SIDT1: variants seen among roughly 807,000 people sequenced by gnomAD.
The protein encoded by SIDT1 is SID1 transmembrane family, member 1.
In SIDT1, 101 loss-of-function variants were observed where a neutral mutation model predicts 107.5. The observed-to-expected ratio is 0.94, with a 90% CI of 0.80 to 1.11. SIDT1 has a LOEUF of 1.11. Among genes scored for constraint, SIDT1 ranks in the 50% least tolerant of loss-of-function variants. SIDT1 has a pLI of 0.00. For synonymous variants in SIDT1, 395 were observed against 398.2 expected (o/e 0.99, Z 0.10); for missense variants, 1,076 against 1,058.2 (o/e 1.02, Z -0.23).
At chr3:113,618,893 C>T (rs1394031160) in intron 20 of SIDT1, among the ~76,000 whole-genome samples, 3 of 152,128 alleles carry the variant, frequency 2.0e-5, no homozygotes, top group African/African-American at 7.2e-5. Context: ...GGCAAAATCT[C>T]GGCTCACTGC....
Position 113,608,472 on chromosome 3 carries a change from G to A in SIDT1, c.1656G>A (p.Leu552=). ...TCTTCTACGCTATGGGCATTGCATT[G>A]ATGATGGAAGGGGTGCTCAGTGCTT... The part of the protein sequence containing the change: ...FGLFYAMGIA[L]MMEGVLSACY... The change falls in exon 17 of 25, where the codon TTG becomes TTA. Residue 552 remains leucine, a synonymous_variant. Transcript: ENST00000264852. 4.3e-6 allele frequency: 7 copies of A among 1,614,176 alleles called. No homozygotes were observed. The highest frequency in any genetic ancestry group is 5.9e-6 in the Non-Finnish European group (7 of 1,180,014).
At chr3:113,545,879 T>C (rs550081258) in intron 1 of SIDT1, among the ~76,000 whole-genome samples, 1 of 152,336 alleles carries the variant, frequency 6.6e-6, no homozygotes, top group South Asian at 2.1e-4. Flanking sequence ...TCAAGACATT[T>C]TTTATAGTAT....
chr3:113,590,278 A>T (rs1458300978), intron 9 of SIDT1: 1 of 152,240 alleles, frequency 6.6e-6, no homozygotes, highest in Non-Finnish European at 1.5e-5. Flanking sequence ...TCCACCAAAC[A>T]TACAAAATCA....
At position 113,608,517 on chromosome 3, in the gene SIDT1, T is replaced by G; in HGVS notation, c.1701T>G (p.Asn567Lys). ...VLSACYHVCP[N>K]YSNFQFDTSF... ...GTGCTTGCTACCATGTCTGCCCTAATTATTCCAACTTCCAATTCGGTAATT... is the reference window on the plus strand; with the variant it reads ...GTGCTTGCTACCATGTCTGCCCTAAGTATTCCAACTTCCAATTCGGTAATT... Residue 567 changes from asparagine to lysine, a missense_variant, in exon 17 of 25, where the codon AAT becomes AAG. Transcript: ENST00000264852. The G allele has an allele frequency of 6.2e-7, 1 of 1,609,850 alleles. No homozygotes were observed. Among genetic ancestry groups the G allele is most frequent in the Non-Finnish European group, 8.5e-7 (1 of 1,176,090 alleles).
intron 1 of SIDT1, among the ~76,000 whole-genome samples, chr3:113,541,803 A>C (rs1938905876): frequency 6.6e-6 from 1 of 151,974 alleles, no homozygotes; most frequent in Admixed American, 6.6e-5. Context: ...CAAAAGTGAA[A>C]ATAAAATTTT....
rs1946637387 is a variant in SIDT1, at chr3:113,623,644, C to T, written c.2218C>T (p.Leu740Phe). ...ACAGCTCCGCAGCTCTGAAAAGGTC[C>T]TCCCAGTCCCGCTCTTCTGCATCGT... ...IMKLRSSEKV[L>F]PVPLFCIVAT... The change falls in exon 23 of 25, where the codon CTC becomes TTC. Residue 740 changes from leucine (L) to phenylalanine (F), a missense_variant. By Grantham distance (22) the Leu-to-Phe change is conservative. Coordinates refer to ENST00000264852, the MANE Select transcript of SIDT1 (RefSeq NM_017699.3). 1 of 1,613,976 alleles carries T rather than the reference C, an allele frequency of 6.2e-7. No homozygotes were observed. The highest frequency in any genetic ancestry group is 1.3e-5 in the African/African-American group (1 of 75,066).
the SIDT1 span, among the ~76,000 whole-genome samples, chr3:113,635,387 A>G: frequency 6.6e-6 from 1 of 152,176 alleles, no homozygotes; most frequent in African/African-American, 2.4e-5. Flanking sequence ...AGTTGTCAAG[A>G]GTCTAAAAGT....
intron 4 of SIDT1, among the ~76,000 whole-genome samples, chr3:113,577,669 A>G (rs559034704): frequency 1.3e-5 from 2 of 152,222 alleles, no homozygotes; most frequent in Non-Finnish European, 2.9e-5. Flanking sequence ...AAAACTCTAT[A>G]TAATAGCATG....
At chr3:113,592,953 A>G in intron 9 of SIDT1, 52 bp from the exon 10 acceptor site, 4 of 1,391,984 alleles carry the variant, frequency 2.9e-6, no homozygotes, top group African/African-American at 1.4e-5. Context: ...AACAAATGTA[A>G]AATGCTGAGG....
chr3:113,573,836 A>G (rs796180984), intron 3 of SIDT1, among the ~76,000 whole-genome samples: 2 of 152,354 alleles, frequency 1.3e-5, no homozygotes, highest in African/African-American at 2.4e-5. Context: ...TCCATTCTTT[A>G]TAAGTCACCG....
chr3:113,596,022 T>A (rs1345049674), intron 10 of SIDT1, among the ~76,000 whole-genome samples: 1 of 152,208 alleles, frequency 6.6e-6, no homozygotes, highest in African/African-American at 2.4e-5. Flanking sequence ...TACAGAAATG[T>A]CTTTCTCTCC....
At chr3:113,542,697 A>G (rs1939054519) in intron 1 of SIDT1, among the ~76,000 whole-genome samples, 1 of 152,072 alleles carries the variant, frequency 6.6e-6, no homozygotes, top group Non-Finnish European at 1.5e-5. Flanking sequence ...CTTTCCTAGC[A>G]TTCTTCTGTT....
rs73855949 is a variant in SIDT1, at chr3:113,584,581, A to G, written c.836-117A>G. On this transcript the variant is annotated intron_variant, in intron 7 of 24. Transcript: ENST00000264852. ...TTCCTCCAGTTCTTGCTAAAATAAGATTCAGTGATCAGAATTAATTCTGGA... is the reference window on the plus strand; with the variant it reads ...TTCCTCCAGTTCTTGCTAAAATAAGGTTCAGTGATCAGAATTAATTCTGGA... The G allele has an allele frequency of 6.0e-3, 4,053 of 677,344 alleles. 34 individuals carry two copies. The highest frequency in any genetic ancestry group is 0.027 in the African/African-American group (1,438 of 52,916). 42.0% of individuals were successfully genotyped at this position (677,344 alleles called of 1,614,324 possible). A position where few individuals can be genotyped will look rare whatever the true frequency, so the allele number is the denominator to read the frequency against.
Position 113,533,037 on chromosome 3 carries a change from C to A in SIDT1, c.16C>A (p.Arg6=). The A allele has an allele frequency of 1.5e-6, 2 of 1,378,418 alleles. No individual in the cohort carries two copies. Among genetic ancestry groups the A allele is most frequent in the East Asian group, 3.1e-5 (1 of 32,404 alleles). 85.4% of individuals were successfully genotyped at this position (1,378,418 alleles called of 1,614,324 possible). Residue 6 remains arginine, a synonymous_variant, in exon 1 of 25, where the codon CGG becomes AGG. Coordinates refer to ENST00000264852, the MANE Select transcript of SIDT1 (RefSeq NM_017699.3). ...GGTGCCCACCATGCGCGGCTGCCTG[C>A]GGCTCGCGCTGCTCTGCGCGCTGCC... The part of the protein sequence containing the change: MRGCL[R]LALLCALPWL...
chr3:113,591,785 C>G (rs998517435), intron 9 of SIDT1, among the ~76,000 whole-genome samples: 2 of 152,204 alleles, frequency 1.3e-5, no homozygotes, highest in African/African-American at 2.4e-5. Flanking sequence ...CAATTCCACT[C>G]CTAGCTATAT....
downstream of SIDT1, among the ~76,000 whole-genome samples, chr3:113,633,247 G>A (rs984306822): frequency 6.6e-6 from 1 of 152,032 alleles, no homozygotes; most frequent in Non-Finnish European, 1.5e-5. Context: ...ACTCTGCTTG[G>A]GCTCTGGTAT....
At position 113,566,464 on chromosome 3, in the gene SIDT1, C is replaced by T. The variant is rs1432078024; in HGVS notation, c.267C>T (p.Leu89=). Residue 89 remains leucine (L), a synonymous_variant, in exon 2 of 25, where the codon CTC becomes CTT. Coordinates refer to ENST00000264852, the MANE Select transcript of SIDT1 (RefSeq NM_017699.3). ...ATGTGAACAGTTCCTCTGAGAATCT[C>T]AACTACCCGGTCCTTGTTGTGGTTC... The part of the protein sequence containing the change: ...RVYVNSSSEN[L]NYPVLVVVRQ... 3 of 1,614,032 alleles carry T rather than the reference C, an allele frequency of 1.9e-6. No homozygotes were observed. Among genetic ancestry groups the T allele is most frequent in the Non-Finnish European group, 2.5e-6 (3 of 1,180,036 alleles).
At chr3:113,607,150 A>C in intron 15 of SIDT1, 36 bp downstream of exon 15, 3 of 1,311,332 alleles carry the variant, frequency 2.3e-6, no homozygotes, top group Non-Finnish European at 3.3e-6. Flanking sequence ...TGAGGCATTT[A>C]GAGATGCCTT....
chr3:113,536,709 CT>C (rs2107563566), intron 1 of SIDT1, among the ~76,000 whole-genome samples: 1 of 152,344 alleles, frequency 6.6e-6, no homozygotes, highest in African/African-American at 2.4e-5. Context: ...TCTCATATGC[CT>C]TCCAGGCATA....
Sources: allele counts gnomAD v4.1 joint callset (sites outside exome capture counted in the v4.1 genomes callset), GRCh38; gene constraint gnomAD v4.1.1; transcripts MANE v1.5; gene names NCBI Gene and HGNC (gene_info 2026-07-23, HGNC 2026-07-21).